Variants in RABGAP1L observed in about 807,000 individuals in gnomAD.
The protein encoded by RABGAP1L is RAB GTPase activating protein 1 like.
Under a neutral mutation model 137.7 loss-of-function variants are expected in RABGAP1L, and 63 were observed. The observed-to-expected ratio is 0.46, with a 90% CI of 0.37 to 0.56. RABGAP1L has a LOEUF of 0.56. RABGAP1L is among the 20% of genes least tolerant of loss of function. The pLI is 0.00. For synonymous variants in RABGAP1L, 431 were observed against 433.7 expected (o/e 0.99, Z 0.08); for missense variants, 1,095 against 1,244.0 (o/e 0.88, Z 1.80).
intron 13 of RABGAP1L, among the ~76,000 whole-genome samples, chr1:174,576,168 G>T (rs1464747030): frequency 6.6e-6 from 1 of 152,184 alleles, no homozygotes; most frequent in East Asian, 1.9e-4. Context: ...CATAGAAACA[G>T]GATGTGAGGC....
chr1:174,926,933 C>T (rs1238605392), intron 19 of RABGAP1L, among the ~76,000 whole-genome samples: 2 of 151,852 alleles, frequency 1.3e-5, no homozygotes, highest in South Asian at 2.1e-4. Flanking sequence ...ATTAGCCAGG[C>T]GTGGTGGCAC....
intron 13 of RABGAP1L, among the ~76,000 whole-genome samples, chr1:174,576,047 C>T (rs554357693): frequency 2.6e-5 from 4 of 152,136 alleles, no homozygotes; most frequent in Admixed American, 6.5e-5. Flanking sequence ...GTGTGTGCAT[C>T]AGTAATTTCT....
At position 174,252,517 on chromosome 1, in the gene RABGAP1L, T is replaced by G; in HGVS notation, c.913T>G (p.Leu305Val). The G allele has an allele frequency of 6.2e-7, 1 of 1,613,254 alleles. No homozygotes were observed. The highest frequency in any genetic ancestry group is 8.5e-7 in the Non-Finnish European group (1 of 1,179,704). Residue 305 changes from leucine (L) to valine (V), a missense_variant, in exon 7 of 26, where the codon TTA (leucine) becomes GTA (valine). Around this residue, in one of 4 missense-constraint regions of RABGAP1L, gnomAD observed 112 missense variants for 157.3 expected, o/e 0.71. Transcript: ENST00000681986. ...GGATAGAGATAAATTTTATTTCAAA[T>G]TAAAGCAAGGAATAGAGAAGAAGGT... ...PKDRDKFYFKLKQGIEKKVVI... is the reference protein window; with the variant it reads ...PKDRDKFYFKVKQGIEKKVVI...
chr1:174,973,216 A>C (rs1317011795), intron 21 of RABGAP1L, among the ~76,000 whole-genome samples: 1 of 152,232 alleles, frequency 6.6e-6, no homozygotes, highest in Non-Finnish European at 1.5e-5. Context: ...GTATATGGTA[A>C]CAGTAGAAAT....
At chr1:174,723,175 A>G (rs1480835118) in intron 17 of RABGAP1L, among the ~76,000 whole-genome samples, 3 of 151,980 alleles carry the variant, frequency 2.0e-5, no homozygotes, top group East Asian at 1.9e-4. Context: ...CCTGGGTTCC[A>G]GTGATTCTCC....
At chr1:174,198,981 G>T (rs1053583411) in intron 1 of RABGAP1L, among the ~76,000 whole-genome samples, 1 of 152,178 alleles carries the variant, frequency 6.6e-6, no homozygotes, top group Non-Finnish European at 1.5e-5. Context: ...GGTGGCGCAT[G>T]CCTGTAATCC....
At chr1:174,627,253 C>T (rs1283350391) in intron 13 of RABGAP1L, among the ~76,000 whole-genome samples, 1 of 152,210 alleles carries the variant, frequency 6.6e-6, no homozygotes, top group Non-Finnish European at 1.5e-5. Flanking sequence ...CATTTGAAAA[C>T]AGTCTTCCTC....
intron 13 of RABGAP1L, among the ~76,000 whole-genome samples, chr1:174,474,546 T>C (rs1212668160): frequency 6.6e-6 from 1 of 152,198 alleles, no homozygotes; most frequent in Non-Finnish European, 1.5e-5. Flanking sequence ...CTACCACTTA[T>C]TACCTGTTGA....
chr1:174,220,973 T>C lies in RABGAP1L; in HGVS notation c.140T>C (p.Ile47Thr). 1 of 1,603,376 alleles carries C rather than the reference T, an allele frequency of 6.2e-7. No individual in the cohort carries two copies. The highest frequency in any genetic ancestry group is 1.1e-5 in the South Asian group (1 of 89,166). Residue 47 changes from isoleucine to threonine, a missense_variant and splice_region_variant, in exon 3 of 26, where the codon ATA becomes ACA. Physicochemically the swap from Ile to Thr is moderately conservative, Grantham distance 89. Transcript: ENST00000681986. ...TKHEEKPQLK[I>T]VSNGDEQLEK... The stretch of plus-strand genomic sequence containing the variant: ...AGAATTGTCTTGCTGTGTCTGTAGA[T>C]AGTTTCTAATGGTGATGAACAATTG...
At chr1:174,268,170 T>A (rs1674230360) in intron 7 of RABGAP1L, among the ~76,000 whole-genome samples, 1 of 152,122 alleles carries the variant, frequency 6.6e-6, no homozygotes, top group Admixed American at 6.5e-5. Context: ...TGCAGTTCTG[T>A]TTTTCCCTTT....
chr1:174,623,843 A>G (rs527857271), intron 13 of RABGAP1L, among the ~76,000 whole-genome samples: 6 of 152,148 alleles, frequency 3.9e-5, no homozygotes, highest in African/African-American at 1.2e-4. Flanking sequence ...ATGATGTTCC[A>G]TGGGCTAGAA....
chr1:174,573,115 G>A (rs577935663), intron 13 of RABGAP1L, among the ~76,000 whole-genome samples: 3 of 152,058 alleles, frequency 2.0e-5, no homozygotes, highest in Admixed American at 1.3e-4. Flanking sequence ...TGACTTTAGT[G>A]TGTATATATA....
At position 174,305,164 on chromosome 1, in the gene RABGAP1L, A is replaced by G. The variant is rs187569532; in HGVS notation, c.1465+37A>G. 2.8e-4 allele frequency: 413 copies of G among 1,478,280 alleles called. 2 individuals carry two copies. The highest frequency in any genetic ancestry group is 4.1e-4 in the African/African-American group (28 of 67,880). 91.6% of individuals were successfully genotyped at this position (1,478,280 alleles called of 1,614,324 possible). A position where few individuals can be genotyped will look rare whatever the true frequency, so the allele number is the denominator to read the frequency against. On this transcript the variant is annotated intron_variant, in intron 11 of 25. Transcript: ENST00000681986. ...GACTTACTCAGTTTATTCTGTCTGTATAGCTGCTTTACTTACAATCTTCAG... is the reference window on the plus strand; with the variant it reads ...GACTTACTCAGTTTATTCTGTCTGTGTAGCTGCTTTACTTACAATCTTCAG...
chr1:174,860,689 T>C (rs1558159610), intron 19 of RABGAP1L, among the ~76,000 whole-genome samples: 2 of 152,208 alleles, frequency 1.3e-5, no homozygotes, highest in African/African-American at 2.4e-5. Flanking sequence ...TCTTTACTTA[T>C]TGAATTGATA....
At chr1:174,605,434 A>G (rs929219475) in intron 13 of RABGAP1L, among the ~76,000 whole-genome samples, 1 of 152,158 alleles carries the variant, frequency 6.6e-6, no homozygotes, top group Non-Finnish European at 1.5e-5. Context: ...TTTTGCTTTT[A>G]CTGGACCACT....
chr1:174,692,815 T>C (rs543646607), intron 15 of RABGAP1L, among the ~76,000 whole-genome samples: 3 of 152,284 alleles, frequency 2.0e-5, no homozygotes, highest in Non-Finnish European at 4.4e-5. Context: ...ATGTATATGT[T>C]GTCTCTTAAA....
At chr1:174,614,047 T>G (rs561902744) in intron 13 of RABGAP1L, among the ~76,000 whole-genome samples, 1 of 152,016 alleles carries the variant, frequency 6.6e-6, no homozygotes, top group Non-Finnish European at 1.5e-5. Context: ...GGAGCATTTA[T>G]TCCATTTACA....
At chr1:174,805,096 T>C (rs1188429717) in intron 18 of RABGAP1L, among the ~76,000 whole-genome samples, 1 of 152,206 alleles carries the variant, frequency 6.6e-6, no homozygotes, top group Non-Finnish European at 1.5e-5. Flanking sequence ...ATAATTTCCA[T>C]TGTATACATC....
At position 174,982,818 on chromosome 1, in the gene RABGAP1L, C is replaced by A. The variant is rs1463944108; in HGVS notation, c.2734-16C>A. Reference sequence around the variant, plus strand: ...TTGTTCTGTTTTCTAGTAAAAGACTCTTTTCTCATCCTTAGATCTGTTCGC... The same window carrying A: ...TTGTTCTGTTTTCTAGTAAAAGACTATTTTCTCATCCTTAGATCTGTTCGC... On this transcript the variant is annotated splice_polypyrimidine_tract_variant and intron_variant, in intron 23 of 25. Coordinates refer to ENST00000681986, the MANE Select transcript of RABGAP1L (RefSeq NM_001366446.1). 2 of 1,550,016 alleles carry A rather than the reference C, an allele frequency of 1.3e-6. No homozygotes were observed. Among genetic ancestry groups the A allele is most frequent in the East Asian group, 2.4e-5 (1 of 40,916 alleles).
Sources: allele counts gnomAD v4.1 joint callset (sites outside exome capture counted in the v4.1 genomes callset), GRCh38; gene constraint gnomAD v4.1.1; regional missense constraint gnomAD v4.1.1; transcripts MANE v1.5; gene names NCBI Gene and HGNC (gene_info 2026-07-23, HGNC 2026-07-21).